Variants in INPP4B observed in about 807,000 individuals in gnomAD.
INPP4B encodes the protein inositol polyphosphate-4-phosphatase type II B.
Under a neutral mutation model 122.5 loss-of-function variants are expected in INPP4B, and 55 were observed. The observed-to-expected ratio is 0.45, with a 90% CI of 0.36 to 0.56. The LOEUF is 0.56. Among genes scored for constraint, INPP4B ranks in the 20% least tolerant of loss-of-function variants. INPP4B has a pLI of 0.00. For missense variants in INPP4B, 1,000 were observed against 1,097.7 expected (o/e 0.91, Z 1.26); for synonymous variants, 403 against 388.7 (o/e 1.04, Z -0.43).
intron 2 of INPP4B, among the ~76,000 whole-genome samples, chr4:142,491,544 C>T (rs1417973435): frequency 6.6e-6 from 1 of 152,138 alleles, no homozygotes. Context: ...GCAATCCCAG[C>T]TACTTGGGAG....
chr4:142,365,679 A>G (rs1395103212), intron 7 of INPP4B, among the ~76,000 whole-genome samples: 1 of 152,162 alleles, frequency 6.6e-6, no homozygotes, highest in African/African-American at 2.4e-5. Flanking sequence ...TGTGCCTTGC[A>G]AAAGCAGCCA....
At position 142,086,189 on chromosome 4, in the gene INPP4B, T is replaced by C. The variant is rs142133276; in HGVS notation, c.2442A>G (p.Gln814=). ...TTTCTACATTCTTTCTTTTTTTGGA[T>C]TGGATATTTTGAAGGAGATTTTCTA... ...ALLENLLQNI[Q]SKKRKNVEIM... Residue 814 remains glutamine (Q), a synonymous_variant, in exon 24 of 26, where the codon CAA becomes CAG. Coordinates refer to ENST00000262992, the MANE Select transcript of INPP4B (RefSeq NM_001101669.3). 290 of 1,604,194 alleles carry C rather than the reference T, an allele frequency of 1.8e-4. No individual in the cohort carries two copies. Among genetic ancestry groups the C allele is most frequent in the Middle Eastern group, 5.0e-4 (3 of 6,046 alleles).
chr4:142,180,779 A>C (rs1265663835), intron 15 of INPP4B, among the ~76,000 whole-genome samples: 1 of 152,178 alleles, frequency 6.6e-6, no homozygotes, highest in Non-Finnish European at 1.5e-5. Flanking sequence ...GCTATAACTA[A>C]TATGGGAAAC....
chr4:142,191,296 C>T (rs907186531), intron 15 of INPP4B, among the ~76,000 whole-genome samples: 2 of 152,116 alleles, frequency 1.3e-5, no homozygotes, highest in African/African-American at 4.8e-5. Context: ...TGCAGCAAAG[C>T]ACCAACAAAA....
chr4:142,307,486 T>G lies in INPP4B; in HGVS notation c.424-1949A>C, dbSNP rs187649360. Among the ~76,000 whole-genome samples, 443 of 152,260 alleles carry G rather than the reference T, an allele frequency of 2.9e-3. 2 individuals are homozygous for G. The highest frequency in any genetic ancestry group is 1.0e-2 in the African/African-American group (414 of 41,542). ...GCACACAGTAGGTATCTGGTACATA[T>G]TTACTGACAATGAATGAATGAATGA... On this transcript the variant is annotated intron_variant, in intron 8 of 25. Transcript: ENST00000262992.
chr4:142,208,496 T>A lies in INPP4B; in HGVS notation c.1001A>T (p.Glu334Val), dbSNP rs1013253243. 1.5e-5 allele frequency: 24 copies of A among 1,601,422 alleles called. No homozygotes were observed. Among genetic ancestry groups the A allele is most frequent in the Non-Finnish European group, 2.0e-5 (24 of 1,173,410 alleles). Residue 334 changes from glutamate (E) to valine (V), a missense_variant, in exon 14 of 26, where the codon GAG becomes GTG. Glu to Val is a moderately radical substitution (Grantham distance 121). Coordinates refer to ENST00000262992, the MANE Select transcript of INPP4B (RefSeq NM_001101669.3). ...SSFKSSSSKGEKTLEFVPINL... is the reference protein window; with the variant it reads ...SSFKSSSSKGVKTLEFVPINL... ...TATTGGAACAAATTCTAATGTTTTC[T>A]CTCCTTTGCTGCTGCTTGATTTGAA...
intron 2 of INPP4B, among the ~76,000 whole-genome samples, chr4:142,606,261 A>G (rs1311811951): frequency 1.3e-5 from 2 of 151,868 alleles, no homozygotes; most frequent in Non-Finnish European, 2.9e-5. Context: ...AGGGTGGGGA[A>G]GGGATATATG....
chr4:142,596,849 A>G (rs1270385364), intron 2 of INPP4B, among the ~76,000 whole-genome samples: 1 of 152,216 alleles, frequency 6.6e-6, no homozygotes, highest in Non-Finnish European at 1.5e-5. Context: ...GTTTGTAACA[A>G]GTCAGGGACC....
At chr4:142,242,210 C>T (rs75081545) in intron 11 of INPP4B, among the ~76,000 whole-genome samples, 77 of 152,130 alleles carry the variant, frequency 5.1e-4, no homozygotes, top group Non-Finnish European at 8.7e-4. Flanking sequence ...TTTTAAAGAT[C>T]GGATGAGCAC....
chr4:142,769,251 G>T (rs1470078819), intron 1 of INPP4B, among the ~76,000 whole-genome samples: 1 of 152,076 alleles, frequency 6.6e-6, no homozygotes, highest in African/African-American at 2.4e-5. Flanking sequence ...GGCTTTGAAG[G>T]GTCTACCTAG....
At chr4:142,750,290 A>G (rs1320730357) in intron 1 of INPP4B, among the ~76,000 whole-genome samples, 1 of 152,142 alleles carries the variant, frequency 6.6e-6, no homozygotes, top group Non-Finnish European at 1.5e-5. Context: ...CACAAAGCAG[A>G]TGAACTAATG....
At chr4:142,059,607 C>T (rs1241707483) in intron 25 of INPP4B, among the ~76,000 whole-genome samples, 4 of 152,070 alleles carry the variant, frequency 2.6e-5, no homozygotes, top group Non-Finnish European at 4.4e-5. Context: ...TGTCCAGAAC[C>T]TTATACTCCT....
chr4:142,545,008 T>C lies in INPP4B; in HGVS notation c.-190-82282A>G, dbSNP rs1451192197. Among the ~76,000 whole-genome samples the C allele has an allele frequency of 2.0e-5, 3 of 152,206 alleles. No individual in the cohort carries two copies. The East Asian group carries it at 5.8e-4, about 29-fold the overall frequency. ...GGTTACATTCTAAGAGTTGTACATG[T>C]TCAGTTACTTACATTGTTCACACAA... On this transcript the variant is annotated intron_variant, in intron 2 of 25. Coordinates refer to ENST00000262992, the MANE Select transcript of INPP4B (RefSeq NM_001101669.3).
chr4:142,610,317 A>C (rs1580494956), intron 2 of INPP4B, among the ~76,000 whole-genome samples: 1 of 152,224 alleles, frequency 6.6e-6, no homozygotes. Flanking sequence ...AGAACTGTGA[A>C]TCCATTAAAC....
chr4:142,608,282 A>G (rs1741714358), intron 2 of INPP4B, among the ~76,000 whole-genome samples: 1 of 152,148 alleles, frequency 6.6e-6, no homozygotes, highest in Non-Finnish European at 1.5e-5. Flanking sequence ...ATAGGACAAA[A>G]GTCAATAATA....
At chr4:142,306,057 T>A (rs976026758) in intron 8 of INPP4B, 1 of 383,148 alleles carries the variant, frequency 2.6e-6, no homozygotes, top group South Asian at 1.0e-4. Flanking sequence ...TTTCCTTTGT[T>A]ATTTCTTTAC....
rs1203598306 is a variant in INPP4B at position 142,190,185 on chromosome 4, ATTTG to A, written c.1181+2898_1181+2901del. 7.9e-5 allele frequency among the ~76,000 whole-genome samples: 11 copies of A among 139,906 alleles called. No individual in the cohort carries two copies. The South Asian group carries it at 9.7e-4, about 12-fold the overall frequency. The allele number at this position is 139,906 out of a possible 152,430, so 91.8% of individuals were successfully genotyped here. A position where few individuals can be genotyped will look rare whatever the true frequency, so the allele number is the denominator to read the frequency against. On this transcript the variant is annotated intron_variant, in intron 15 of 25. Transcript: ENST00000262992. ...AAAGACTTGGCTATCTGGGTTTTTT[ATTTG>A]TTTGTTTGTTTATTTTTGTTTTTTT... is the stretch of plus-strand genomic sequence containing the variant.
chr4:142,450,567 T>A (rs892346358), intron 3 of INPP4B, among the ~76,000 whole-genome samples: 4 of 152,196 alleles, frequency 2.6e-5, no homozygotes, highest in Non-Finnish European at 4.4e-5. Flanking sequence ...GAGTTCTATT[T>A]TTACTGCTGT....
At chr4:142,424,220 C>T (rs1807553452) in intron 5 of INPP4B, among the ~76,000 whole-genome samples, 2 of 151,794 alleles carry the variant, frequency 1.3e-5, no homozygotes, top group African/African-American at 2.4e-5. Context: ...TTCTTAGATA[C>T]CCTAGGAAAT....
Sources: gnomAD v4.1 joint callset for allele counts (sites outside exome capture counted in the v4.1 genomes callset) on GRCh38, gnomAD v4.1.1 for gene constraint, MANE v1.5 for transcripts, NCBI Gene and HGNC (gene_info 2026-07-23, HGNC 2026-07-21) for gene names.